KEL: variants seen among roughly 807,000 people sequenced by gnomAD.
KEL encodes the protein Kell metallo-endopeptidase (Kell blood group), also known as kell blood group glycoprotein.
A neutral mutation model predicts 99.5 loss-of-function variants in KEL; 96 were observed. That is an observed-to-expected ratio of 0.97 (90% CI 0.82 to 1.14). The LOEUF is 1.14. Ranked by LOEUF, KEL falls within the 50% of genes most tolerant of loss-of-function variation. The probability of loss-of-function intolerance (pLI) is 0.00; values close to 1 mark genes in which losing one functional copy is unlikely to be tolerated. For synonymous variants in KEL, 355 were observed against 354.8 expected (o/e 1.00, Z -0.01); for missense variants, 926 against 924.2 (o/e 1.00, Z -0.03).
At chr7:142,942,560 AGGCTCTAGACCTGTGGCCATTT>A in intron 17 of KEL, 31 bp from the exon 18 acceptor site, 6 of 1,497,818 alleles carry the variant, frequency 4.0e-6, no homozygotes, top group Non-Finnish European at 5.5e-6. Context: ...AAGGGCCATC[AGGCTCTAGACCTGTGGCCATTT>A]GAAAGTCCCT....
At chr7:142,958,924 C>A (rs757389763) in intron 4 of KEL, among the ~76,000 whole-genome samples, 11 of 152,162 alleles carry the variant, frequency 7.2e-5, no homozygotes, top group Non-Finnish European at 1.2e-4. Flanking sequence ...ACTGTCAATC[C>A]GGAAATGTTT....
rs183473034 is a variant in KEL, at chr7:142,941,726, T to C, written c.2038-313A>G. On this transcript the variant is annotated intron_variant, in intron 18 of 18. Coordinates refer to ENST00000355265, the MANE Select transcript of KEL (RefSeq NM_000420.3). ...AGTCTGTTGAGGGAGTACAGGGTGC[T>C]TAAGGAGGTGATGTCAAGTGGGCGC... Among the ~76,000 whole-genome samples, 3 of 151,984 alleles carry C rather than the reference T, an allele frequency of 2.0e-5. No homozygotes were observed. The East Asian group carries it at 5.8e-4, about 29-fold the overall frequency.
chr7:142,955,100 G>A (rs8175989), intron 6 of KEL, among the ~76,000 whole-genome samples: 2,072 of 152,162 alleles, frequency 0.014, 45 homozygotes, highest in African/African-American at 0.048. Context: ...TTGTTGGGTG[G>A]AGCTCTCTGA....
chr7:142,957,903 C>G lies in KEL; in HGVS notation c.596G>C (p.Ser199Thr), dbSNP rs761802593. 6.2e-7 allele frequency: 1 copy of G among 1,614,006 alleles called. No homozygotes were observed. Among genetic ancestry groups the G allele is most frequent in the East Asian group, 2.2e-5 (1 of 44,886 alleles). ...NFNRTLRLLMSQYGHFPFFRA... is the reference protein window; with the variant it reads ...NFNRTLRLLMTQYGHFPFFRA... ...GAAGAAAGGGAAATGGCCATACTGA[C>G]TCATCAGAAGTCTCAGCGTTCGGTT... The change falls in exon 6 of 19, where the codon AGT becomes ACT. Residue 199 changes from serine to threonine, a missense_variant. Coordinates refer to ENST00000355265, the MANE Select transcript of KEL (RefSeq NM_000420.3).
rs114373860 is a variant in KEL at position 142,949,288 on chromosome 7, G to A, written c.1204-2971C>T. 1.5e-3 allele frequency among the ~76,000 whole-genome samples: 233 copies of A among 152,282 alleles called. 3 individuals carry two copies. The highest frequency in any genetic ancestry group is 5.3e-3 in the African/African-American group (219 of 41,572). ...CTTGAAAAACACAGATTGAGTCCTC[G>A]TGAATTAGATAGAGAAACTGATGTT... is the stretch of plus-strand genomic sequence containing the variant. On this transcript the variant is annotated intron_variant, in intron 10 of 18. Coordinates refer to ENST00000355265, the MANE Select transcript of KEL (RefSeq NM_000420.3).
intron 4 of KEL, among the ~76,000 whole-genome samples, chr7:142,960,343 T>A (rs2116686302): frequency 6.6e-6 from 1 of 152,284 alleles, no homozygotes; most frequent in East Asian, 1.9e-4. Context: ...GGTTCAAGGT[T>A]TCAATGGAGA....
At chr7:142,957,719 T>C (rs1796859924) in intron 6 of KEL, 108 bp downstream of exon 6, 4 of 1,379,276 alleles carry the variant, frequency 2.9e-6, no homozygotes, top group South Asian at 1.2e-5. Flanking sequence ...GTTTCCTATA[T>C]CACACAGGTG....
At chr7:142,961,148 CA>C in intron 3 of KEL, 44 bp from the exon 4 acceptor site, 1 of 1,606,956 alleles carries the variant, frequency 6.2e-7, no homozygotes, top group Non-Finnish European at 8.5e-7. Flanking sequence ...GGCAAAAAGA[CA>C]AGGGCTCCCC....
At chr7:142,953,479 G>T in intron 9 of KEL, 3 of 786,934 alleles carry the variant, frequency 3.8e-6, no homozygotes, top group Non-Finnish European at 4.6e-6. Flanking sequence ...TTCTGTGTCT[G>T]GGTCTTCCAG....
rs749117878 is a variant in KEL at position 142,941,328 on chromosome 7, G to T, written c.2123C>A (p.Thr708Asn). The change falls in exon 19 of 19, where the codon ACC (threonine) becomes AAC (asparagine). Residue 708 changes from threonine (T) to asparagine (N), a missense_variant. Thr to Asn is a moderately conservative substitution (Grantham distance 65). Transcript: ENST00000355265. ...GCGGAAATACCTGGCAAAGGCTGGG[G>T]TGCTGCTGAGGGGCCCGTGGACTCG... ...HLRVHGPLSSTPAFARYFRCA... is the reference protein window; with the variant it reads ...HLRVHGPLSSNPAFARYFRCA... The T allele has an allele frequency of 1.2e-6, 2 of 1,614,078 alleles. No homozygotes were observed. Among genetic ancestry groups the T allele is most frequent in the Non-Finnish European group, 1.7e-6 (2 of 1,179,976 alleles).
rs1796782779 is a variant in KEL, at chr7:142,954,659, G to C, written c.673-132C>G. The C allele has an allele frequency of 1.2e-5, 10 of 823,118 alleles. No individual in the cohort carries two copies. The East Asian group carries it at 2.2e-4, about 18-fold the overall frequency. The allele number at this position is 823,118 out of a possible 1,614,324, so 51.0% of individuals were successfully genotyped here. A position where few individuals can be genotyped will look rare whatever the true frequency, so the allele number is the denominator to read the frequency against. On this transcript the variant is annotated intron_variant, in intron 6 of 18. Transcript: ENST00000355265. ...CAAAGATTGGACAGAAGAGAAGCAA[G>C]AGTACAAAGAAAGGGAGGGATTAAG...
At chr7:142,945,731 C>T (rs762484752) in intron 11 of KEL, among the ~76,000 whole-genome samples, 6 of 151,946 alleles carry the variant, frequency 3.9e-5, no homozygotes, top group South Asian at 4.1e-4. Flanking sequence ...CAGGTTCAAG[C>T]GATTCGCCTG....
intron 13 of KEL, 117 bp from the exon 14 acceptor site, chr7:142,944,000 G>A (rs7810229): frequency 0.057 from 47,312 of 823,718 alleles, 2,276 homozygotes; most frequent in African/African-American, 0.22. Context: ...CAGGCATCCA[G>A]GGATTAGGAG....
rs8176046 is a variant in KEL at position 142,941,957 on chromosome 7, C to T, written c.2037+477G>A. On this transcript the variant is annotated intron_variant, in intron 18 of 18. Coordinates refer to ENST00000355265, the MANE Select transcript of KEL (RefSeq NM_000420.3). ...TCAAGTAGCTGGGATTACAGGCGCC[C>T]GCCACCAAGCCCAGCTAAGTTTTGT... The T allele has an allele frequency of 6.7e-3, 1,128 of 168,442 alleles. 10 individuals are homozygous for T. The highest frequency in any genetic ancestry group is 0.025 in the African/African-American group (1,042 of 41,702). The allele number at this position is 168,442 out of a possible 1,614,324, so 10.4% of individuals were successfully genotyped here.
In KEL at chr7:142,943,509, T is replaced by G. The variant is rs8176036; in HGVS notation, c.1680A>C (p.Pro560=). The G allele has an allele frequency of 0.055, 88,943 of 1,613,774 alleles. 3,365 individuals carry two copies. Among genetic ancestry groups the G allele is most frequent in the African/African-American group, 0.19 (14,202 of 74,968 alleles). The change falls in exon 15 of 19, where the codon CCA becomes CCC. Residue 560 remains proline (P), a synonymous_variant. Transcript: ENST00000355265. ...VVFPAGLLQP[P]FFHPGYPRAV... ...ACCTGGGATAGCCAGGGTGGAAGAATGGGGGTTGGAGGAGTCCAGCTGGAA... is the reference window on the plus strand; with the variant it reads ...ACCTGGGATAGCCAGGGTGGAAGAAGGGGGGTTGGAGGAGTCCAGCTGGAA...
At chr7:142,960,886 T>C in intron 4 of KEL, 42 bp downstream of exon 4, 1 of 1,592,918 alleles carries the variant, frequency 6.3e-7, no homozygotes, top group Non-Finnish European at 8.6e-7. Flanking sequence ...AGGCACAGAG[T>C]CACCCACTTG....
rs375067384 is a variant in KEL at position 142,961,342 on chromosome 7, G to T, written c.223+18C>A. 1.7e-5 allele frequency: 27 copies of T among 1,612,792 alleles called. No homozygotes were observed. Among genetic ancestry groups the T allele is most frequent in the Non-Finnish European group, 1.9e-5 (22 of 1,180,038 alleles). On this transcript the variant is annotated intron_variant, in intron 3 of 18. Transcript: ENST00000355265. ...GGGGGAGGGCTGACTAGGTTAGGGGGTCTGGGATCTTGCTTACGAGGGCCA... is the reference window on the plus strand; with the variant it reads ...GGGGGAGGGCTGACTAGGTTAGGGGTTCTGGGATCTTGCTTACGAGGGCCA...
chr7:142,947,977 G>C (rs1796577688), intron 10 of KEL, among the ~76,000 whole-genome samples: 1 of 152,212 alleles, frequency 6.6e-6, no homozygotes, highest in African/African-American at 2.4e-5. Flanking sequence ...GACAAGCTTG[G>C]CTCCAGGAAT....
intron 10 of KEL, among the ~76,000 whole-genome samples, chr7:142,949,264 T>C (rs1234958866): frequency 1.3e-5 from 2 of 152,224 alleles, no homozygotes; most frequent in African/African-American, 4.8e-5. Flanking sequence ...TTAGCCAGGC[T>C]TGAAAAACAC....
Sources: gnomAD v4.1 joint callset for allele counts (sites outside exome capture counted in the v4.1 genomes callset) on GRCh38, gnomAD v4.1.1 for gene constraint, MANE v1.5 for transcripts, NCBI Gene and HGNC (gene_info 2026-07-23, HGNC 2026-07-21) for gene names.